The following TRERF1 variants were observed in gnomAD, a reference collection of about 807,000 sequenced individuals.
The protein encoded by TRERF1 is transcriptional regulating factor 1, also known as transcriptional-regulating factor 1.
In TRERF1, 27 loss-of-function variants were observed where a neutral mutation model predicts 122.9. The ratio of observed to expected loss-of-function variants is 0.22; its 90% CI spans 0.16 to 0.30. The LOEUF is 0.30. Among genes scored for constraint, TRERF1 ranks in the 10% least tolerant of loss-of-function variants. The pLI is 1.00. For synonymous variants in TRERF1, 636 were observed against 641.7 expected, an observed-to-expected ratio of 0.99 and a Z score of 0.13; for missense variants, 1,248 against 1,560.3, an observed-to-expected ratio of 0.80 and a Z score of 3.37.
chr6:42,270,561 C>T (rs1780034534), intron 4 of TRERF1, among the ~76,000 whole-genome samples: 1 of 152,076 alleles, frequency 6.6e-6, no homozygotes, highest in African/African-American at 2.4e-5. Context: ...AGACATAGGC[C>T]TGCTCTCAAG....
chr6:42,267,114 C>T (rs1222796162), intron 5 of TRERF1, among the ~76,000 whole-genome samples: 1 of 152,150 alleles, frequency 6.6e-6, no homozygotes, highest in African/African-American at 2.4e-5. Context: ...CGCCTGAGGC[C>T]AGGAGTTCAA....
At chr6:42,439,435 T>G (rs1582248275) in intron 2 of TRERF1, among the ~76,000 whole-genome samples, 1 of 152,092 alleles carries the variant, frequency 6.6e-6, no homozygotes, top group Non-Finnish European at 1.5e-5. Flanking sequence ...AAGCTGAAAG[T>G]CGGCTGGGCA....
chr6:42,449,776 T>C (rs1788141820), intron 2 of TRERF1, among the ~76,000 whole-genome samples: 1 of 152,138 alleles, frequency 6.6e-6, no homozygotes. Flanking sequence ...CTGCCAAATA[T>C]CAACCCTCAA....
At chr6:42,321,824 A>G (rs1205222483) in intron 3 of TRERF1, among the ~76,000 whole-genome samples, 12 of 152,274 alleles carry the variant, frequency 7.9e-5, no homozygotes, top group Non-Finnish European at 1.8e-4. Context: ...AGCCTAAAAA[A>G]AAATCACTAG....
chr6:42,254,569 T>C (rs1237412732), intron 13 of TRERF1, among the ~76,000 whole-genome samples: 1 of 152,222 alleles, frequency 6.6e-6, no homozygotes, highest in Non-Finnish European at 1.5e-5. Context: ...GTACCTTCTG[T>C]GGCTCTCTCT....
In TRERF1 at chr6:42,269,288, C is replaced by T; in HGVS notation, c.303G>A (p.Leu101=). The T allele has an allele frequency of 6.2e-7, 1 of 1,614,158 alleles. No individual in the cohort carries two copies. Among genetic ancestry groups the T allele is most frequent in the Non-Finnish European group, 8.5e-7 (1 of 1,180,024 alleles). Residue 101 remains leucine, a synonymous_variant, in exon 5 of 18, where the codon CTG becomes CTA. Coordinates refer to ENST00000372922, the Ensembl canonical transcript of TRERF1. This position sits in a 1 kb window ranked among gnomAD's most constrained non-coding sequence, Gnocchi z 4.9. ...CCCCCCACATCATGTTTGAGTTGGC[C>T]AGGTTTCCACGTAGCTGGACATGGT... is the stretch of plus-strand genomic sequence containing the variant.
intron 2 of TRERF1, among the ~76,000 whole-genome samples, chr6:42,439,543 T>C (rs1338818549): frequency 6.6e-6 from 1 of 152,112 alleles, no homozygotes; most frequent in East Asian, 1.9e-4. Flanking sequence ...GAGATCGCAC[T>C]GCTGCACTCC....
intron 2 of TRERF1, among the ~76,000 whole-genome samples, chr6:42,379,564 T>C (rs1775550304): frequency 6.6e-6 from 1 of 152,176 alleles, no homozygotes; most frequent in Non-Finnish European, 1.5e-5. Context: ...AGAGTTTCGC[T>C]CTGTCACCCA....
At chr6:42,295,637 G>A (rs888766997) in intron 4 of TRERF1, among the ~76,000 whole-genome samples, 3 of 152,126 alleles carry the variant, frequency 2.0e-5, no homozygotes, top group African/African-American at 7.2e-5. Context: ...ACCATTGAAG[G>A]GCATCGTGTT....
At chr6:42,266,155 C>G (rs897191615) in intron 5 of TRERF1, among the ~76,000 whole-genome samples, 1 of 151,546 alleles carries the variant, frequency 6.6e-6, no homozygotes, top group African/African-American at 2.4e-5. Flanking sequence ...GTGGGAGACG[C>G]AGCATTATGC....
chr6:42,440,962 C>T (rs376967285), intron 2 of TRERF1, among the ~76,000 whole-genome samples: 10 of 152,124 alleles, frequency 6.6e-5, no homozygotes, highest in Non-Finnish European at 1.2e-4. Context: ...ATGAGAAAGC[C>T]GAGCTCTGCC....
rs115937608 is a variant in TRERF1, at chr6:42,263,672, T to C, written c.1636-104A>G. 3.0e-3 allele frequency: 4,018 copies of C among 1,336,870 alleles called. 86 individuals are homozygous for C. In the African/African-American group the frequency reaches 0.05, roughly 17 times the overall value. The allele number at this position is 1,336,870 out of a possible 1,614,324, so 82.8% of individuals were successfully genotyped here. A position where few individuals can be genotyped will look rare whatever the true frequency, so the allele number is the denominator to read the frequency against. ...GTTCCAGGACATCAGGTATGGGTGATAGAGAACCGCTGCAGGGCGATTTCC... is the reference window on the plus strand; with the variant it reads ...GTTCCAGGACATCAGGTATGGGTGACAGAGAACCGCTGCAGGGCGATTTCC... On this transcript the variant is annotated intron_variant, in intron 7 of 17. Transcript: ENST00000372922. The surrounding 1 kb of genome is among the most constrained non-coding windows in gnomAD (Gnocchi z 5.6).
chr6:42,230,332 A>G (rs1251720032), intron 17 of TRERF1, among the ~76,000 whole-genome samples: 1 of 152,172 alleles, frequency 6.6e-6, no homozygotes, highest in Non-Finnish European at 1.5e-5. Context: ...TTTCTGGTAG[A>G]AAAAGTTTCC....
chr6:42,298,113 T>C (rs1324124061), intron 4 of TRERF1, among the ~76,000 whole-genome samples: 1 of 151,942 alleles, frequency 6.6e-6, no homozygotes, highest in African/African-American at 2.4e-5. Context: ...ACATAATAAA[T>C]TAGTTAAATA....
chr6:42,250,133 C>T (rs997010577), intron 13 of TRERF1, among the ~76,000 whole-genome samples: 1 of 152,210 alleles, frequency 6.6e-6, no homozygotes, highest in Non-Finnish European at 1.5e-5. Context: ...AGTTTCCCCA[C>T]ATGACATGGG....
intron 3 of TRERF1, among the ~76,000 whole-genome samples, chr6:42,304,832 C>T (rs1010204352): frequency 3.3e-5 from 5 of 152,214 alleles, no homozygotes; most frequent in Non-Finnish European, 7.3e-5. Flanking sequence ...CAAGAATTAT[C>T]CAGCTCACAA....
chr6:42,443,804 G>A (rs901799692), intron 2 of TRERF1, among the ~76,000 whole-genome samples: 14 of 152,180 alleles, frequency 9.2e-5, no homozygotes, highest in African/African-American at 3.4e-4. Flanking sequence ...CAGTGGGAGT[G>A]GACAAGGGAA....
intron 4 of TRERF1, among the ~76,000 whole-genome samples, chr6:42,299,885 G>A (rs997203469): frequency 1.3e-5 from 2 of 152,196 alleles, no homozygotes; most frequent in East Asian, 1.9e-4. Context: ...ACTGAAGAAC[G>A]AATGGTGAAT....
At chr6:42,425,529 A>ATTTT (rs150820164) in intron 2 of TRERF1, among the ~76,000 whole-genome samples, 12 of 44,080 alleles carry the variant, frequency 2.7e-4, no homozygotes, top group African/African-American at 1.2e-3. Flanking sequence ...CCCCCTGGGC[A>ATTTT]TTTTTTTTTT....
Sources: allele counts gnomAD v4.1 joint callset (sites outside exome capture counted in the v4.1 genomes callset), GRCh38; gene constraint gnomAD v4.1.1; non-coding constraint Gnocchi (gnomAD v3.1); transcripts MANE v1.5; gene names NCBI Gene and HGNC (gene_info 2026-07-23, HGNC 2026-07-21).